Variants in EIF2B3 observed in about 807,000 individuals in gnomAD.
The protein encoded by EIF2B3 is translation initiation factor eIF2B subunit gamma.
Under a neutral mutation model 54.1 loss-of-function variants are expected in EIF2B3, and 20 were observed. The ratio of observed to expected loss-of-function variants is 0.37; its 90% CI spans 0.26 to 0.54. EIF2B3 has a LOEUF of 0.54. Ranked by LOEUF, EIF2B3 falls within the 20% of genes least tolerant of loss-of-function variation. The pLI is 0.86. For synonymous variants in EIF2B3, 153 were observed against 188.1 expected, an observed-to-expected ratio of 0.81 and a Z score of 1.52; for missense variants, 448 against 547.8, an observed-to-expected ratio of 0.82 and a Z score of 1.82.
chr1:44,917,241 C>A (rs939812959), intron 5 of EIF2B3, among the ~76,000 whole-genome samples: 33 of 152,066 alleles, frequency 2.2e-4, no homozygotes, highest in Non-Finnish European at 1.6e-4. Flanking sequence ...CACCTGTAAT[C>A]CCAGCACTTT....
chr1:44,919,100 C>A (rs1643685325), intron 5 of EIF2B3, among the ~76,000 whole-genome samples: 1 of 152,124 alleles, frequency 6.6e-6, no homozygotes, highest in South Asian at 2.1e-4. Context: ...GTAATCCTAG[C>A]ACTTTGGGAG....
chr1:44,912,454 A>G (rs964952774), intron 5 of EIF2B3, among the ~76,000 whole-genome samples: 1 of 152,112 alleles, frequency 6.6e-6, no homozygotes, highest in African/African-American at 2.4e-5. Flanking sequence ...AAAGTTTTTA[A>G]TAATTCCCTG....
intron 3 of EIF2B3, among the ~76,000 whole-genome samples, chr1:44,962,204 ACATCATCAT>A (rs113470749): frequency 2.5e-4 from 36 of 146,442 alleles, no homozygotes; most frequent in Admixed American, 1.8e-3. Context: ...ATCATCATCA[ACATCATCAT>A]CATCATCATC....
intron 10 of EIF2B3, among the ~76,000 whole-genome samples, chr1:44,872,618 C>A (rs973329473): frequency 6.6e-6 from 1 of 152,102 alleles, no homozygotes; most frequent in Non-Finnish European, 1.5e-5. Flanking sequence ...CCACTGTACT[C>A]CAGCCTGGGC....
chr1:44,945,661 A>ACATACAAACT (rs1445746808), intron 3 of EIF2B3, among the ~76,000 whole-genome samples: 3 of 152,106 alleles, frequency 2.0e-5, no homozygotes, highest in Admixed American at 6.6e-5. Flanking sequence ...CAGACCACAT[A>ACATACAAACT]CATACAAACT....
chr1:44,918,529 A>C (rs774387705), intron 5 of EIF2B3, among the ~76,000 whole-genome samples: 2 of 152,062 alleles, frequency 1.3e-5, no homozygotes, highest in Admixed American at 6.6e-5. Context: ...AGCTGGGATT[A>C]CCAGTGCACA....
intron 4 of EIF2B3, among the ~76,000 whole-genome samples, chr1:44,927,747 T>A (rs3889822): frequency 0.17 from 25,814 of 152,124 alleles, 2,298 homozygotes; most frequent in Non-Finnish European, 0.18. Flanking sequence ...GAGGAAATAC[T>A]TATTGACGTA....
At chr1:44,925,965 C>T (rs1037896208) in intron 5 of EIF2B3, among the ~76,000 whole-genome samples, 5 of 151,976 alleles carry the variant, frequency 3.3e-5, no homozygotes, top group Admixed American at 1.3e-4. Flanking sequence ...CGGTGGCTCA[C>T]GCCTGTAATC....
At chr1:44,962,589 T>C (rs1485316155) in intron 3 of EIF2B3, among the ~76,000 whole-genome samples, 3 of 151,920 alleles carry the variant, frequency 2.0e-5, no homozygotes, top group African/African-American at 7.3e-5. Context: ...CTAAAAAAAT[T>C]TGTGTAGCGA....
At chr1:44,895,436 T>G (rs1655936970) in intron 6 of EIF2B3, among the ~76,000 whole-genome samples, 2 of 152,154 alleles carry the variant, frequency 1.3e-5, no homozygotes. Context: ...CACAATCCTC[T>G]TTGATAGTAT....
chr1:44,939,034 G>C (rs1643989221), intron 4 of EIF2B3, among the ~76,000 whole-genome samples: 1 of 143,784 alleles, frequency 7.0e-6, no homozygotes, highest in African/African-American at 2.6e-5. Context: ...CCAGGAAGCA[G>C]AGGTTTGCAG....
intron 10 of EIF2B3, 137 bp downstream of exon 10, chr1:44,874,541 A>C (rs925186476): frequency 2.5e-5 from 23 of 906,956 alleles, no homozygotes; most frequent in Non-Finnish European, 3.4e-5. Context: ...GATATCTGAA[A>C]ATGTTTTTAT....
At chr1:44,983,433 G>C (rs141963487) in intron 1 of EIF2B3, among the ~76,000 whole-genome samples, 1 of 152,186 alleles carries the variant, frequency 6.6e-6, no homozygotes, top group Admixed American at 6.5e-5. Flanking sequence ...CAAAGTGAAG[G>C]CTCCTGCATA....
intron 5 of EIF2B3, among the ~76,000 whole-genome samples, chr1:44,898,394 A>G (rs1656050242): frequency 6.6e-6 from 1 of 152,196 alleles, no homozygotes; most frequent in Non-Finnish European, 1.5e-5. Context: ...TCAGTAGAGC[A>G]GAGATTTATC....
chr1:44,876,927 G>A (rs1484638868), intron 8 of EIF2B3, among the ~76,000 whole-genome samples: 9 of 141,750 alleles, frequency 6.3e-5, no homozygotes, highest in Admixed American at 5.6e-4. Flanking sequence ...AACATGTGCT[G>A]TGTCCACTCA....
chr1:44,949,762 C>G (rs187450169), intron 3 of EIF2B3, among the ~76,000 whole-genome samples: 141 of 152,296 alleles, frequency 9.3e-4, no homozygotes, highest in African/African-American at 3.3e-3. Flanking sequence ...GATATGCTTG[C>G]TAGATTTACA....
In EIF2B3 at chr1:44,875,664, T is replaced by A; in HGVS notation, c.1007A>T (p.Glu336Val). The A allele has an allele frequency of 1.9e-6, 3 of 1,614,182 alleles. No individual in the cohort carries two copies. Among genetic ancestry groups the A allele is most frequent in the Non-Finnish European group, 2.5e-6 (3 of 1,180,038 alleles). Residue 336 changes from glutamate to valine, a missense_variant, in exon 9 of 12, where the codon GAA becomes GTA. Physicochemically the swap from Glu to Val is moderately radical, Grantham distance 121. This residue lies in a region of EIF2B3 where 350 missense variants were observed against 414.2 expected (regional missense o/e 0.85). Transcript: ENST00000360403. Reference protein sequence around the residue: ...VPKLLSALCPEEPPVHSSAQI... With the variant: ...VPKLLSALCPVEPPVHSSAQI... ...GGCTGACGAATGGACTGGTGGTTCT[T>A]CTGGACAGAGAGCAGACAGCAATTT...
chr1:44,935,126 T>C (rs1044620382), intron 4 of EIF2B3, among the ~76,000 whole-genome samples: 7 of 152,212 alleles, frequency 4.6e-5, no homozygotes, highest in Admixed American at 2.0e-4. Flanking sequence ...GTGAATTGGA[T>C]TGGTTAAATA....
At chr1:44,956,094 G>A (rs575141327) in intron 3 of EIF2B3, among the ~76,000 whole-genome samples, 257 of 152,278 alleles carry the variant, frequency 1.7e-3, no homozygotes, top group Non-Finnish European at 2.4e-3. Context: ...GTTCACAATA[G>A]CTAAGACTTG....
Sources: gnomAD v4.1 joint callset for allele counts (sites outside exome capture counted in the v4.1 genomes callset) on GRCh38, gnomAD v4.1.1 for gene constraint, gnomAD v4.1.1 regional missense constraint, MANE v1.5 for transcripts, NCBI Gene and HGNC (gene_info 2026-07-23, HGNC 2026-07-21) for gene names.